The following EIPR1 variants were observed in gnomAD, a reference collection of about 807,000 sequenced individuals.
The protein encoded by EIPR1 is EARP complex and GARP complex interacting protein 1, also known as EARP and GARP complex-interacting protein 1.
Under a neutral mutation model 48.1 loss-of-function variants are expected in EIPR1, and 25 were observed. The ratio of observed to expected loss-of-function variants is 0.52; its 90% CI spans 0.38 to 0.73. The LOEUF (loss-of-function observed/expected upper bound fraction) is 0.73, where lower values mean the gene tolerates loss of function less well. EIPR1 is among the 30% of genes least tolerant of loss of function. The pLI is 0.00. For missense variants in EIPR1, 415 were observed against 506.2 expected (o/e 0.82, Z 1.73); for synonymous variants, 204 against 201.9 (o/e 1.01, Z -0.09).
intron 4 of EIPR1, among the ~76,000 whole-genome samples, chr2:3,246,375 T>C (rs1265322981): frequency 1.3e-5 from 2 of 152,282 alleles, no homozygotes; most frequent in South Asian, 2.1e-4. Context: ...TTGAACAAAA[T>C]GCCCCCTGTG....
chr2:3,295,895 TTC>T (rs537632060), intron 3 of EIPR1, among the ~76,000 whole-genome samples: 30 of 63,570 alleles, frequency 4.7e-4, no homozygotes, highest in African/African-American at 1.8e-3. Context: ...ATCCAGCCCA[TTC>T]TCTCTTTACA....
intron 4 of EIPR1, among the ~76,000 whole-genome samples, chr2:3,229,850 C>G (rs1666184492): frequency 6.6e-6 from 1 of 152,218 alleles, no homozygotes; most frequent in African/African-American, 2.4e-5. Context: ...CAACAGGGTA[C>G]TCTTCTGTTT....
intron 6 of EIPR1, among the ~76,000 whole-genome samples, chr2:3,196,259 A>G (rs1484642577): frequency 6.6e-6 from 1 of 152,208 alleles, no homozygotes; most frequent in African/African-American, 2.4e-5. Context: ...CAGCTCGGTG[A>G]TAAATTATGG....
At chr2:3,228,969 G>A (rs931552209) in intron 4 of EIPR1, among the ~76,000 whole-genome samples, 1 of 152,162 alleles carries the variant, frequency 6.6e-6, no homozygotes, top group African/African-American at 2.4e-5. Flanking sequence ...TTAGCAGCAT[G>A]AGAACAGACT....
At chr2:3,195,805 C>G (rs1200537190) in intron 6 of EIPR1, among the ~76,000 whole-genome samples, 1 of 152,172 alleles carries the variant, frequency 6.6e-6, no homozygotes, top group Non-Finnish European at 1.5e-5. Context: ...TGAGAAGGCG[C>G]CAGGACCCTC....
intron 3 of EIPR1, among the ~76,000 whole-genome samples, chr2:3,305,924 A>G (rs1252611498): frequency 6.6e-6 from 1 of 151,118 alleles, no homozygotes; most frequent in Non-Finnish European, 1.5e-5. Context: ...TCCTTGTTAC[A>G]TATTACCATC....
chr2:3,207,359 T>C (rs1275097847), intron 5 of EIPR1, among the ~76,000 whole-genome samples: 1 of 152,222 alleles, frequency 6.6e-6, no homozygotes, highest in Non-Finnish European at 1.5e-5. Context: ...GCAGGAGGAC[T>C]CACTGCCTCC....
chr2:3,355,241 G>A (rs886597720), intron 1 of EIPR1, among the ~76,000 whole-genome samples: 2 of 152,276 alleles, frequency 1.3e-5, no homozygotes, highest in African/African-American at 4.8e-5. Flanking sequence ...TGACAGACTC[G>A]TGGAGCTCAG....
intron 4 of EIPR1, among the ~76,000 whole-genome samples, chr2:3,222,777 A>C (rs550078933): frequency 2.6e-5 from 4 of 152,186 alleles, no homozygotes; most frequent in African/African-American, 9.7e-5. Context: ...GCATGATGAC[A>C]TCGTGGATTC....
chr2:3,344,188 T>C (rs1412835267), intron 2 of EIPR1, among the ~76,000 whole-genome samples: 2 of 152,124 alleles, frequency 1.3e-5, no homozygotes, highest in Admixed American at 6.5e-5. Context: ...ACCCCCCAGC[T>C]CTCACCCTGA....
At position 3,234,184 on chromosome 2, in the gene EIPR1, CAT is replaced by C. The variant is rs1186488332; in HGVS notation, c.417-19938_417-19937del. On this transcript the variant is annotated intron_variant, in intron 4 of 8. Coordinates refer to ENST00000382125, the MANE Select transcript of EIPR1 (RefSeq NM_003310.5). ...CAAAAAACTTGCAGGAATGAGGGCA[CAT>C]GTGTTTGGCATGTCTTGTATTTTGC... Among the ~76,000 whole-genome samples the C allele has an allele frequency of 3.9e-5, 6 of 152,282 alleles. No individual in the cohort carries two copies. In the East Asian group the frequency reaches 1.2e-3, roughly 29 times the overall value.
At chr2:3,202,663 G>A (rs1665089198) in intron 5 of EIPR1, among the ~76,000 whole-genome samples, 3 of 152,190 alleles carry the variant, frequency 2.0e-5, no homozygotes, top group Admixed American at 2.0e-4. Context: ...CTTGAGCCGA[G>A]CAATGCAAGC....
chr2:3,259,292 C>CA lies in EIPR1; in HGVS notation c.260-1838_260-1837insT, dbSNP rs915921991. 2.0e-4 allele frequency among the ~76,000 whole-genome samples: 31 copies of CA among 152,154 alleles called. No homozygotes were observed. The Middle Eastern group carries it at 0.01, about 50-fold the overall frequency. ...AAATGACTAATGGCAGACACTCCCC[C>CA]CCACATCCCCAACAAGTTCCTTCTT... On this transcript the variant is annotated intron_variant, in intron 3 of 8. Coordinates refer to ENST00000382125, the MANE Select transcript of EIPR1 (RefSeq NM_003310.5).
intron 4 of EIPR1, among the ~76,000 whole-genome samples, chr2:3,226,441 G>C (rs1286015939): frequency 6.6e-6 from 1 of 152,182 alleles, no homozygotes; most frequent in Non-Finnish European, 1.5e-5. Context: ...GTCTATTCAA[G>C]TGCTTTGCTC....
chr2:3,339,410 C>T (rs1243801112), intron 2 of EIPR1, among the ~76,000 whole-genome samples: 1 of 152,230 alleles, frequency 6.6e-6, no homozygotes, highest in Non-Finnish European at 1.5e-5. Context: ...CCAGTAGCAC[C>T]TACACATCAC....
intron 5 of EIPR1, among the ~76,000 whole-genome samples, chr2:3,211,432 A>G (rs1665453436): frequency 6.6e-6 from 1 of 152,176 alleles, no homozygotes; most frequent in Non-Finnish European, 1.5e-5. Flanking sequence ...TCTGAGATTA[A>G]GCTCGGCTTC....
At chr2:3,287,324 A>ACTCCAGAAAGCTCGTTCACCGCG (rs1558274683) in intron 3 of EIPR1, among the ~76,000 whole-genome samples, 2 of 133,626 alleles carry the variant, frequency 1.5e-5, no homozygotes. Flanking sequence ...CGTTCACCAC[A>ACTCCAGAAAGCTCGTTCACCGCG]CTCCAGAAAG....
chr2:3,294,995 A>G (rs796080764), intron 3 of EIPR1, among the ~76,000 whole-genome samples: 1 of 15,028 alleles, frequency 6.7e-5, no homozygotes. Flanking sequence ...ACACACACAC[A>G]CACACACCCT....
At chr2:3,350,214 G>C (rs886489101) in intron 2 of EIPR1, among the ~76,000 whole-genome samples, 1 of 151,732 alleles carries the variant, frequency 6.6e-6, no homozygotes, top group Admixed American at 6.6e-5. Flanking sequence ...GCTATACAGG[G>C]GACATGGCTG....
Sources: gnomAD v4.1 joint callset for allele counts (sites outside exome capture counted in the v4.1 genomes callset) on GRCh38, gnomAD v4.1.1 for gene constraint, MANE v1.5 for transcripts, NCBI Gene and HGNC (gene_info 2026-07-23, HGNC 2026-07-21) for gene names.